The following STK32B variants were observed in gnomAD, a reference collection of about 807,000 sequenced individuals.
The protein encoded by STK32B is serine/threonine kinase 32B.
Under a neutral mutation model 52.6 loss-of-function variants are expected in STK32B, and 43 were observed. The observed-to-expected ratio is 0.82, with a 90% confidence interval of 0.64 to 1.05. The LOEUF is 1.05. Among genes scored for constraint, STK32B ranks in the 50% least tolerant of loss-of-function variants. The pLI, the probability that STK32B is intolerant of heterozygous loss-of-function variation, is 0.00. For synonymous variants in STK32B, 238 were observed against 204.3 expected (o/e 1.17, Z -1.41); for missense variants, 621 against 534.6 (o/e 1.16, Z -1.59).
At chr4:5,374,802 A>G (rs567959808) in intron 4 of STK32B, among the ~76,000 whole-genome samples, 2 of 152,220 alleles carry the variant, frequency 1.3e-5, no homozygotes, top group African/African-American at 4.8e-5. Flanking sequence ...CCAACGTTCA[A>G]ACCACAGCAG....
chr4:5,347,971 AAGAC>A (rs752587849), intron 4 of STK32B, among the ~76,000 whole-genome samples: 7 of 152,208 alleles, frequency 4.6e-5, no homozygotes, highest in Non-Finnish European at 4.4e-5. Context: ...ATAATGGAAT[AAGAC>A]AGAGAGGAAA....
At chr4:5,193,792 A>G (rs1721424210) in intron 3 of STK32B, among the ~76,000 whole-genome samples, 1 of 152,234 alleles carries the variant, frequency 6.6e-6, no homozygotes, top group African/African-American at 2.4e-5. Context: ...GTGTTTGCTG[A>G]TTCAGAACAC....
intron 1 of STK32B, among the ~76,000 whole-genome samples, chr4:5,115,296 G>T (rs1714653219): frequency 6.6e-6 from 1 of 152,076 alleles, no homozygotes; most frequent in Non-Finnish European, 1.5e-5. Context: ...CCCAAGCCCA[G>T]TTCTAATCTC....
chr4:5,193,518 G>A (rs1017434540), intron 3 of STK32B, among the ~76,000 whole-genome samples: 1 of 152,206 alleles, frequency 6.6e-6, no homozygotes, highest in African/African-American at 2.4e-5. Flanking sequence ...CGCCGTGGAA[G>A]CCTCTGCGTC....
chr4:5,329,753 C>T (rs912956322), intron 3 of STK32B, among the ~76,000 whole-genome samples: 6 of 151,878 alleles, frequency 4.0e-5, no homozygotes. Context: ...CAATAAACAG[C>T]CCCCTTCCTT....
intron 4 of STK32B, among the ~76,000 whole-genome samples, chr4:5,349,195 T>C (rs1161193007): frequency 6.6e-6 from 1 of 151,826 alleles, no homozygotes; most frequent in East Asian, 1.9e-4. Context: ...CTGGAACAAA[T>C]AAAGCCAGTG....
At chr4:5,050,539 GA>G (rs1211642110), upstream of STK32B, among the ~76,000 whole-genome samples, 1 of 152,188 alleles carries the variant, frequency 6.6e-6, no homozygotes, top group African/African-American at 2.4e-5. Flanking sequence ...GGGACTGGGG[GA>G]CGAGATAGGA....
chr4:5,331,178 G>T (rs369594847), intron 3 of STK32B, 42 bp from the exon 4 acceptor site: 39 of 1,558,568 alleles, frequency 2.5e-5, no homozygotes, highest in Non-Finnish European at 3.1e-5. Context: ...GGTGCTGAAG[G>T]TGCCTCCACC....
At position 5,498,969 on chromosome 4, in the gene STK32B, CA is replaced by C; in HGVS notation, c.1132del (p.Ser378AlafsTer63). On this transcript the variant is annotated frameshift_variant, in exon 12 of 12. Transcript: ENST00000282908. LOFTEE classifies it high-confidence loss of function. ...EKLRRQQGQG[S>X]QLLDTDSRGG... ...GGCTCAGGAGGCAGCAGGGACAGGG[CA>C]GCCAGCTCTTGGACACCGACAGCCG... The C allele has an allele frequency of 6.2e-7, 1 of 1,613,478 alleles. No individual in the cohort carries two copies. Among genetic ancestry groups the C allele is most frequent in the Non-Finnish European group, 8.5e-7 (1 of 1,179,636 alleles).
At chr4:5,123,156 C>A (rs1167567555) in intron 1 of STK32B, among the ~76,000 whole-genome samples, 4 of 152,164 alleles carry the variant, frequency 2.6e-5, no homozygotes, top group Admixed American at 2.6e-4. Context: ...GCCTTGCTGT[C>A]CATGTGTCAC....
intron 9 of STK32B, among the ~76,000 whole-genome samples, chr4:5,461,743 G>C (rs552924028): frequency 6.6e-6 from 1 of 152,184 alleles, no homozygotes; most frequent in African/African-American, 2.4e-5. Context: ...ATGGCAGGTC[G>C]CACAGGGCTT....
Position 5,394,143 on chromosome 4 carries a change from G to A in STK32B, c.435-4064G>A, listed in dbSNP as rs1736738442. On this transcript the variant is annotated intron_variant, in intron 4 of 11. Coordinates refer to ENST00000282908, the MANE Select transcript of STK32B (RefSeq NM_018401.3). The surrounding 1 kb of genome is among the most constrained non-coding windows in gnomAD (Gnocchi z 4.2). ...TCTGGATCAGAGCCATTTCTATGCT[G>A]TTTTTTAAAATATCCCAGCTGACAT... is the stretch of plus-strand genomic sequence containing the variant. Among the ~76,000 whole-genome samples, 1 of 152,124 alleles carries A rather than the reference G, an allele frequency of 6.6e-6. No homozygotes were observed. The highest frequency in any genetic ancestry group is 2.1e-4 in the South Asian group (1 of 4,822).
intron 3 of STK32B, 46 bp downstream of exon 3, chr4:5,168,496 A>G: frequency 4.5e-6 from 7 of 1,561,918 alleles, no homozygotes; most frequent in Non-Finnish European, 6.1e-6. Context: ...CCCTGTGGGG[A>G]GCCAAATGCA....
chr4:5,254,983 T>TATATATATATATA (rs1577252456), intron 3 of STK32B, among the ~76,000 whole-genome samples: 2 of 150,976 alleles, frequency 1.3e-5, no homozygotes, highest in African/African-American at 2.5e-5. Flanking sequence ...TATATGTTTA[T>TATATATATATATA]TGAGCATCTT....
chr4:5,372,210 C>T (rs1735288674), intron 4 of STK32B, among the ~76,000 whole-genome samples: 1 of 152,222 alleles, frequency 6.6e-6, no homozygotes, highest in Non-Finnish European at 1.5e-5. Flanking sequence ...TGGCAAGCAG[C>T]AACAGAACAG....
At chr4:5,108,064 C>A (rs1419132941) in intron 1 of STK32B, among the ~76,000 whole-genome samples, 3 of 152,182 alleles carry the variant, frequency 2.0e-5, no homozygotes, top group Non-Finnish European at 4.4e-5. Context: ...GTAGCCACTC[C>A]AGGGTAACCA....
the STK32B span, among the ~76,000 whole-genome samples, chr4:5,043,215 T>A: frequency 0.018 from 2,756 of 152,290 alleles, 72 homozygotes; most frequent in African/African-American, 0.063. Flanking sequence ...CTTTTCTGTT[T>A]TCTTTTAGTA....
At chr4:5,344,154 T>C (rs541682284) in intron 4 of STK32B, among the ~76,000 whole-genome samples, 1 of 152,304 alleles carries the variant, frequency 6.6e-6, no homozygotes, top group South Asian at 2.1e-4. Flanking sequence ...CTCTGGCCTC[T>C]TAAAATCCAA....
intron 3 of STK32B, among the ~76,000 whole-genome samples, chr4:5,281,984 C>T (rs1728229957): frequency 6.6e-6 from 1 of 151,852 alleles, no homozygotes; most frequent in Non-Finnish European, 1.5e-5. Context: ...TTTTTATTAA[C>T]AAGTCATAAT....
Sources: allele counts gnomAD v4.1 joint callset (sites outside exome capture counted in the v4.1 genomes callset), GRCh38; gene constraint gnomAD v4.1.1; non-coding constraint Gnocchi (gnomAD v3.1); transcripts MANE v1.5; gene names NCBI Gene and HGNC (gene_info 2026-07-23, HGNC 2026-07-21).